ZNF618: variants seen among roughly 807,000 people sequenced by gnomAD.
The protein encoded by ZNF618 is zinc finger protein 618, also known as neural precursor cell expressed, developmentally down-regulated 10.
ZNF618 carries 34 observed loss-of-function variants against 103.0 expected under a neutral mutation model. That is an observed-to-expected ratio of 0.33 (90% CI 0.25 to 0.44). The LOEUF (loss-of-function observed/expected upper bound fraction) is 0.44. Among genes scored for constraint, ZNF618 ranks in the 20% least tolerant of loss-of-function variants. ZNF618 has a pLI of 1.00. For synonymous variants in ZNF618, 551 were observed against 542.2 expected, an observed-to-expected ratio of 1.02 and a Z score of -0.23; for missense variants, 1,059 against 1,295.4, an observed-to-expected ratio of 0.82 and a Z score of 2.80.
chr9:113,976,655 C>T (rs138780705), intron 2 of ZNF618, among the ~76,000 whole-genome samples: 210 of 152,250 alleles, frequency 1.4e-3, no homozygotes, highest in African/African-American at 4.6e-3. Context: ...GTCTCTCCTC[C>T]TCACTGCTGC....
intron 9 of ZNF618, among the ~76,000 whole-genome samples, chr9:114,015,133 C>T (rs1187684358): frequency 1.3e-5 from 2 of 151,694 alleles, no homozygotes; most frequent in Non-Finnish European, 2.9e-5. Context: ...TTACCATTTC[C>T]AATGTTTATG....
chr9:113,987,752 G>A (rs940316511), intron 2 of ZNF618, among the ~76,000 whole-genome samples: 5 of 152,304 alleles, frequency 3.3e-5, no homozygotes, highest in East Asian at 1.9e-4. Context: ...CCAACCACTC[G>A]GGAGGCCGAG....
At chr9:113,961,077 A>G (rs1430771889) in intron 1 of ZNF618, among the ~76,000 whole-genome samples, 1 of 152,146 alleles carries the variant, frequency 6.6e-6, no homozygotes, top group East Asian at 1.9e-4. Flanking sequence ...AGCCTGTGTT[A>G]GCTTTACCTG....
Position 114,049,069 on chromosome 9 carries a change from C to T in ZNF618, c.1767C>T (p.Arg589=), listed in dbSNP as rs372911485. The T allele has an allele frequency of 1.6e-5, 26 of 1,613,894 alleles. No individual in the cohort carries two copies. Among genetic ancestry groups the T allele is most frequent in the African/African-American group, 1.3e-4 (10 of 75,072 alleles). Residue 589 remains arginine, a synonymous_variant, in exon 15 of 15, where the codon CGC becomes CGT. Transcript: ENST00000374126. ...YVLGVKGADI[R]DSGDLVHHWV... ...TTGGTGTGAAGGGTGCGGACATTCG[C>T]GACAGCGGTGACCTTGTGCACCACT...
At chr9:114,015,009 T>C (rs1259641479) in intron 9 of ZNF618, among the ~76,000 whole-genome samples, 1 of 152,180 alleles carries the variant, frequency 6.6e-6, no homozygotes, top group South Asian at 2.1e-4. Flanking sequence ...TGGAAAGATT[T>C]ATCACAATAT....
chr9:113,883,590 A>G (rs1032821222), intron 1 of ZNF618, among the ~76,000 whole-genome samples: 11 of 152,314 alleles, frequency 7.2e-5, no homozygotes, highest in African/African-American at 2.6e-4. Flanking sequence ...GCAGATGTCA[A>G]AGATTCAAGG....
intron 13 of ZNF618, among the ~76,000 whole-genome samples, chr9:114,038,611 A>C (rs1348562904): frequency 6.6e-6 from 1 of 152,216 alleles, no homozygotes; most frequent in Non-Finnish European, 1.5e-5. Context: ...AATTCCCGCT[A>C]ATAAACTTCC....
chr9:113,959,458 CAT>C (rs1351144141), intron 1 of ZNF618, among the ~76,000 whole-genome samples: 2 of 152,228 alleles, frequency 1.3e-5, no homozygotes, highest in South Asian at 2.1e-4. Context: ...GTGTTGGACT[CAT>C]GTGCAGACTG....
intron 1 of ZNF618, among the ~76,000 whole-genome samples, chr9:113,951,019 G>T (rs1835515433): frequency 7.0e-6 from 1 of 142,560 alleles, no homozygotes; most frequent in Non-Finnish European, 1.5e-5. Context: ...GGGAGGGGGG[G>T]ACAGGATCAG....
chr9:113,878,723 T>C (rs575953724), intron 1 of ZNF618, among the ~76,000 whole-genome samples: 1 of 152,288 alleles, frequency 6.6e-6, no homozygotes, highest in South Asian at 2.1e-4. Flanking sequence ...AAATTGATGG[T>C]GGGTCACCTG....
chr9:113,907,170 T>C (rs1831061539), intron 1 of ZNF618, among the ~76,000 whole-genome samples: 1 of 152,198 alleles, frequency 6.6e-6, no homozygotes, highest in African/African-American at 2.4e-5. Flanking sequence ...TGGATGGCCC[T>C]GGGTTATTTG....
At chr9:113,917,700 C>T (rs1272562115) in intron 1 of ZNF618, among the ~76,000 whole-genome samples, 1 of 152,132 alleles carries the variant, frequency 6.6e-6, no homozygotes, top group African/African-American at 2.4e-5. Context: ...TCTCTATCTT[C>T]CCACCTCTCT....
At position 114,008,469 on chromosome 9, in the gene ZNF618, T is replaced by G. The variant is rs745703314; in HGVS notation, c.677-8T>G. ...CCAGGGTGCTAAGGGCCGTGTGTTC[T>G]CCCACAGACCCCTTCGACCAAGGTG... is the stretch of plus-strand genomic sequence containing the variant. On this transcript the variant is annotated splice_region_variant and splice_polypyrimidine_tract_variant and intron_variant, in intron 8 of 14. Coordinates refer to ENST00000374126, the MANE Select transcript of ZNF618 (RefSeq NM_001318042.2). 33 of 1,613,780 alleles carry G rather than the reference T, an allele frequency of 2.0e-5. No homozygotes were observed. The highest frequency in any genetic ancestry group is 2.8e-5 in the Non-Finnish European group (33 of 1,179,854).
chr9:113,897,962 T>C (rs560673337), intron 1 of ZNF618, among the ~76,000 whole-genome samples: 1 of 152,212 alleles, frequency 6.6e-6, no homozygotes, highest in South Asian at 2.1e-4. Flanking sequence ...CCAGCTAATT[T>C]TTGTATTTTT....
intron 13 of ZNF618, among the ~76,000 whole-genome samples, chr9:114,043,165 T>C (rs150584621): frequency 6.6e-6 from 1 of 152,264 alleles, no homozygotes; most frequent in African/African-American, 2.4e-5. Context: ...GGGGCTATTA[T>C]GAATAACGCT....
At chr9:114,036,917 C>T (rs1015110573) in intron 13 of ZNF618, among the ~76,000 whole-genome samples, 1 of 152,164 alleles carries the variant, frequency 6.6e-6, no homozygotes, top group African/African-American at 2.4e-5. Flanking sequence ...TTCTAGGCTC[C>T]ATTGTGAATT....
At chr9:113,945,773 G>A (rs1423263608) in intron 1 of ZNF618, among the ~76,000 whole-genome samples, 2 of 152,096 alleles carry the variant, frequency 1.3e-5, no homozygotes, top group African/African-American at 4.8e-5. Context: ...TAAAAATATA[G>A]GGCTGGGGGG....
At chr9:113,901,419 T>C (rs184618632) in intron 1 of ZNF618, among the ~76,000 whole-genome samples, 5 of 152,362 alleles carry the variant, frequency 3.3e-5, no homozygotes, top group Admixed American at 1.3e-4. Context: ...GGAACTGCTC[T>C]TGCGGCTGAG....
intron 2 of ZNF618, among the ~76,000 whole-genome samples, chr9:113,985,385 A>T (rs1057266572): frequency 1.3e-5 from 2 of 151,630 alleles, no homozygotes; most frequent in Admixed American, 1.3e-4. Context: ...AGTAGGAATC[A>T]CCTCCCTCTC....
Sources: allele counts gnomAD v4.1 joint callset (sites outside exome capture counted in the v4.1 genomes callset), GRCh38; gene constraint gnomAD v4.1.1; transcripts MANE v1.5; gene names NCBI Gene and HGNC (gene_info 2026-07-23, HGNC 2026-07-21).